Variants in CTDP1 observed in about 807,000 individuals in gnomAD.
CTDP1 encodes the protein CTD phosphatase 1, also known as RNA polymerase II subunit A C-terminal domain phosphatase.
Under a neutral mutation model 91.8 loss-of-function variants are expected in CTDP1, and 47 were observed. The ratio of observed to expected loss-of-function variants is 0.51; its 90% CI spans 0.41 to 0.65. The LOEUF (loss-of-function observed/expected upper bound fraction) is 0.65, where lower values mean the gene tolerates loss of function less well. Ranked by LOEUF, CTDP1 falls within the 30% of genes least tolerant of loss-of-function variation. The pLI, the probability that CTDP1 is intolerant of heterozygous loss-of-function variation, is 0.00. For synonymous variants in CTDP1, 656 were observed against 598.5 expected, an observed-to-expected ratio of 1.10 and a Z score of -1.40; for missense variants, 1,272 against 1,373.7, an observed-to-expected ratio of 0.93 and a Z score of 1.17.
intron 1 of CTDP1, among the ~76,000 whole-genome samples, chr18:79,689,775 C>T (rs914590583): frequency 5.9e-5 from 9 of 152,016 alleles, no homozygotes; most frequent in Non-Finnish European, 1.2e-4. Context: ...AGCGAGACTC[C>T]GTCACAAATA....
intron 1 of CTDP1, chr18:79,681,510 C>G: frequency 1.0e-6 from 1 of 985,010 alleles, no homozygotes; most frequent in Non-Finnish European, 1.2e-6. Flanking sequence ...CTGCTTTGGC[C>G]TAGACAGGTG....
At chr18:79,685,303 A>G (rs763771452) in intron 1 of CTDP1, 2 of 152,214 alleles carry the variant, frequency 1.3e-5, no homozygotes, top group African/African-American at 4.8e-5. Context: ...TTCAGAAACT[A>G]AGTCTTTTTT....
intron 10 of CTDP1, among the ~76,000 whole-genome samples, chr18:79,719,213 G>C (rs1041597682): frequency 6.6e-6 from 1 of 152,190 alleles, no homozygotes; most frequent in Non-Finnish European, 1.5e-5. Context: ...TGTCTTTTAC[G>C]ATTCTGGAGA....
Position 79,717,849 on chromosome 18 carries a change from GC to G in CTDP1, c.2256del (p.Thr753ProfsTer102). 6.2e-7 allele frequency: 1 copy of G among 1,613,544 alleles called. No homozygotes were observed. Reference protein sequence around the residue: ...PAAFPDREGVPPTALFHPMPV... With the variant: ...PAAFPDREGVXPTALFHPMPV... ...CGGCCTTTCCCGACCGGGAGGGTGTGCCCCCCACCGCCTTGTTCCACCCGAT... is the reference window on the plus strand; with the variant it reads ...CGGCCTTTCCCGACCGGGAGGGTGTGCCCCCACCGCCTTGTTCCACCCGAT... On this transcript the variant is annotated frameshift_variant, in exon 10 of 13. Coordinates refer to ENST00000613122, the MANE Select transcript of CTDP1 (RefSeq NM_004715.5). LOFTEE classifies it high-confidence loss of function.
chr18:79,730,656 AGGGTTT>A (rs1405364149), intron 11 of CTDP1, among the ~76,000 whole-genome samples: 1 of 152,174 alleles, frequency 6.6e-6, no homozygotes, highest in Non-Finnish European at 1.5e-5. Flanking sequence ...GAGAGGCCAG[AGGGTTT>A]TATGTTCGTG....
chr18:79,743,193 G>A (rs1426280820), intron 12 of CTDP1, among the ~76,000 whole-genome samples: 1 of 152,170 alleles, frequency 6.6e-6, no homozygotes, highest in African/African-American at 2.4e-5. Flanking sequence ...TTACAACGAT[G>A]CATTGTTGGG....
chr18:79,719,531 T>C (rs2086290991), intron 10 of CTDP1, among the ~76,000 whole-genome samples: 1 of 151,564 alleles, frequency 6.6e-6, no homozygotes, highest in South Asian at 2.1e-4. Context: ...CTCCCGTTGT[T>C]AGGAAGGCAT....
intron 12 of CTDP1, among the ~76,000 whole-genome samples, chr18:79,741,903 G>A (rs954527803): frequency 6.6e-6 from 1 of 152,150 alleles, no homozygotes; most frequent in Non-Finnish European, 1.5e-5. Context: ...ACTATTCAAA[G>A]ACATAATGAC....
At chr18:79,717,052 C>T (rs935363560) in intron 8 of CTDP1, among the ~76,000 whole-genome samples, 8 of 146,992 alleles carry the variant, frequency 5.4e-5, no homozygotes, top group African/African-American at 2.0e-4. Context: ...GCCCTGAGTC[C>T]TGGTGGGTAC....
At chr18:79,710,267 A>G (rs2086052523) in intron 5 of CTDP1, 79 bp from the exon 6 acceptor site, 10 of 1,147,184 alleles carry the variant, frequency 8.7e-6, no homozygotes, top group African/African-American at 3.0e-5. Flanking sequence ...TTTAAAAAAA[A>G]CATTCAAGGC....
At chr18:79,749,787 T>C (rs2086959262) in intron 12 of CTDP1, 1 of 152,186 alleles carries the variant, frequency 6.6e-6, no homozygotes, top group African/African-American at 2.4e-5. Context: ...TGTTTCAAGT[T>C]CTCAAAACGG....
intron 4 of CTDP1, 130 bp from the exon 5 acceptor site, chr18:79,704,637 C>T (rs959199513): frequency 1.3e-5 from 16 of 1,249,448 alleles, no homozygotes; most frequent in Middle Eastern, 5.2e-4. Context: ...GTCGGGCACA[C>T]GCGTGTCTTC....
Position 79,753,888 on chromosome 18 carries a change from C to T in CTDP1, c.*98C>T. ...AGTCTCGGTCCACGCTGCTTTCTTCCCAAAGGACATGTATATTTGCAGAGC... is the reference window on the plus strand; with the variant it reads ...AGTCTCGGTCCACGCTGCTTTCTTCTCAAAGGACATGTATATTTGCAGAGC... On this transcript the variant is annotated 3_prime_UTR_variant, in exon 13 of 13. Transcript: ENST00000613122. 1 of 1,475,070 alleles carries T rather than the reference C, an allele frequency of 6.8e-7. No individual in the cohort carries two copies. Among genetic ancestry groups the T allele is most frequent in the African/African-American group, 1.4e-5 (1 of 71,832 alleles). The allele number at this position is 1,475,070 out of a possible 1,614,324, so 91.4% of individuals were successfully genotyped here. A position where few individuals can be genotyped will look rare whatever the true frequency, so the allele number is the denominator to read the frequency against.
intron 12 of CTDP1, among the ~76,000 whole-genome samples, chr18:79,747,921 G>A (rs375264836): frequency 6.6e-6 from 1 of 152,208 alleles, no homozygotes; most frequent in African/African-American, 2.4e-5. Flanking sequence ...GTGCCAAATC[G>A]TGTGCACTGT....
At chr18:79,707,276 T>A (rs2085986003) in intron 5 of CTDP1, among the ~76,000 whole-genome samples, 1 of 152,046 alleles carries the variant, frequency 6.6e-6, no homozygotes, top group East Asian at 1.9e-4. Flanking sequence ...CCTCGTGTGG[T>A]GAGAGATGAA....
At chr18:79,682,811 TA>T (rs2085402756) in intron 1 of CTDP1, among the ~76,000 whole-genome samples, 1 of 152,158 alleles carries the variant, frequency 6.6e-6, no homozygotes, top group Admixed American at 6.5e-5. Flanking sequence ...AGTCTTTCCA[TA>T]ATAGATTGTG....
At chr18:79,728,468 C>T (rs1599283499) in intron 10 of CTDP1, among the ~76,000 whole-genome samples, 1 of 151,988 alleles carries the variant, frequency 6.6e-6, no homozygotes, top group African/African-American at 2.4e-5. Flanking sequence ...TGTCTGTTTT[C>T]GTAGCCTGGA....
chr18:79,711,357 C>T (rs1406078932), intron 6 of CTDP1, among the ~76,000 whole-genome samples: 3 of 152,126 alleles, frequency 2.0e-5, no homozygotes, highest in Non-Finnish European at 4.4e-5. Context: ...TGTGTCCCCA[C>T]AGTAGCCAGC....
At chr18:79,694,034 T>G (rs2085682253) in intron 1 of CTDP1, among the ~76,000 whole-genome samples, 1 of 152,114 alleles carries the variant, frequency 6.6e-6, no homozygotes, top group Admixed American at 6.5e-5. Context: ...ATGACATGGC[T>G]GGGGGTCTTG....
Sources: gnomAD v4.1 joint callset for allele counts (sites outside exome capture counted in the v4.1 genomes callset) on GRCh38, gnomAD v4.1.1 for gene constraint, MANE v1.5 for transcripts, NCBI Gene and HGNC (gene_info 2026-07-23, HGNC 2026-07-21) for gene names.